Variants in CDC25C observed in about 807,000 individuals in gnomAD.
CDC25C encodes the protein M-phase inducer phosphatase 3.
CDC25C carries 48 observed loss-of-function variants against 52.5 expected under a neutral mutation model. That is an observed-to-expected ratio of 0.91 (90% CI 0.72 to 1.16). The LOEUF (loss-of-function observed/expected upper bound fraction) is 1.16. Ranked by LOEUF, CDC25C falls within the 50% of genes most tolerant of loss-of-function variation. The probability of loss-of-function intolerance (pLI) is 0.00; values close to 1 mark genes in which losing one functional copy is unlikely to be tolerated. For missense variants in CDC25C, 510 were observed against 566.1 expected (o/e 0.90, Z 1.01); for synonymous variants, 187 against 206.5 (o/e 0.91, Z 0.81).
intron 7 of CDC25C, among the ~76,000 whole-genome samples, chr5:138,294,909 A>G (rs1757058061): frequency 6.6e-6 from 1 of 152,154 alleles, no homozygotes; most frequent in South Asian, 2.1e-4. Flanking sequence ...TCGGCCTCCC[A>G]AAGTGCTGGG....
intron 7 of CDC25C, among the ~76,000 whole-genome samples, chr5:138,302,552 A>C (rs1757708486): frequency 6.6e-6 from 1 of 151,798 alleles, no homozygotes; most frequent in Non-Finnish European, 1.5e-5. Flanking sequence ...ATACAAAATT[A>C]GCAAGGCGTG....
chr5:138,288,049 T>C (rs970264317), intron 10 of CDC25C, among the ~76,000 whole-genome samples: 3 of 152,066 alleles, frequency 2.0e-5, no homozygotes, highest in Non-Finnish European at 2.9e-5. Context: ...ACTAAGCAAA[T>C]TGCAATACTA....
chr5:138,309,207 C>T (rs1758251549), intron 7 of CDC25C, among the ~76,000 whole-genome samples: 2 of 148,940 alleles, frequency 1.3e-5, no homozygotes, highest in South Asian at 4.4e-4. Flanking sequence ...ACATCAGGCT[C>T]TCAACAAACT....
At chr5:138,322,766 C>T (rs1759538799) in intron 6 of CDC25C, among the ~76,000 whole-genome samples, 2 of 151,564 alleles carry the variant, frequency 1.3e-5, no homozygotes, top group African/African-American at 2.4e-5. Flanking sequence ...TGAGCCACCG[C>T]GCCCGGCCCT....
At chr5:138,299,488 T>C (rs1580733652) in intron 7 of CDC25C, among the ~76,000 whole-genome samples, 4 of 97,398 alleles carry the variant, frequency 4.1e-5, no homozygotes, top group African/African-American at 8.0e-5. Context: ...AGAGCAAGAC[T>C]CCGTCTCAAA....
rs2126631173 is a variant in CDC25C at position 138,285,444 on chromosome 5, C to T, written c.*248G>A. ...GTTGGGAAAAGGAATGCCAGAGTTC[C>T]CTGAACCAATACAAATCTCTATGCA... is the stretch of plus-strand genomic sequence containing the variant. On this transcript the variant is annotated 3_prime_UTR_variant, in exon 14 of 14. Transcript: ENST00000323760. 2 of 471,014 alleles carry T rather than the reference C, an allele frequency of 4.2e-6. No individual in the cohort carries two copies. Among genetic ancestry groups the T allele is most frequent in the Non-Finnish European group, 7.6e-6 (2 of 264,082 alleles). 29.2% of individuals were successfully genotyped at this position (471,014 alleles called of 1,614,324 possible). A position where few individuals can be genotyped will look rare whatever the true frequency, so the allele number is the denominator to read the frequency against.
chr5:138,287,778 T>C (rs1349130578), intron 10 of CDC25C, among the ~76,000 whole-genome samples: 2 of 152,178 alleles, frequency 1.3e-5, no homozygotes, highest in Non-Finnish European at 1.5e-5. Context: ...TAAATACATA[T>C]ACAAATAAAT....
intron 7 of CDC25C, among the ~76,000 whole-genome samples, chr5:138,304,101 C>T (rs992351935): frequency 2.0e-5 from 3 of 152,224 alleles, no homozygotes; most frequent in Non-Finnish European, 4.4e-5. Context: ...CCTTCCTTCA[C>T]AGCCTGCACC....
intron 4 of CDC25C, among the ~76,000 whole-genome samples, chr5:138,326,462 C>T (rs1346045077): frequency 1.3e-5 from 2 of 152,028 alleles, no homozygotes; most frequent in East Asian, 3.9e-4. Flanking sequence ...CTGCCTCAGC[C>T]TCCTGAGTAG....
At chr5:138,293,808 A>C (rs1341094032) in intron 7 of CDC25C, among the ~76,000 whole-genome samples, 1 of 151,770 alleles carries the variant, frequency 6.6e-6, no homozygotes, top group Non-Finnish European at 1.5e-5. Flanking sequence ...CACCATGCCC[A>C]GCCAATTTCT....
intron 6 of CDC25C, among the ~76,000 whole-genome samples, chr5:138,321,037 G>T (rs1759340913): frequency 6.6e-6 from 1 of 151,662 alleles, no homozygotes; most frequent in Non-Finnish European, 1.5e-5. Context: ...TGAGGCTGCA[G>T]TGAGTTATGA....
chr5:138,314,003 T>TTCTTTCTTTCTTTCTTTC (rs1758672929), intron 7 of CDC25C, among the ~76,000 whole-genome samples: 1 of 62,610 alleles, frequency 1.6e-5, no homozygotes, highest in Non-Finnish European at 3.3e-5. Context: ...TTCTTTTTTT[T>TTCTTTCTTTCTTTCTTTC]TTTTTTTTGA....
chr5:138,314,152 T>C (rs1014691110), intron 7 of CDC25C, among the ~76,000 whole-genome samples: 1 of 150,884 alleles, frequency 6.6e-6, no homozygotes, highest in Non-Finnish European at 1.5e-5. Flanking sequence ...CCCAACACCA[T>C]GCCCAGCTAA....
chr5:138,290,819 G>A, intron 8 of CDC25C, 79 bp from the exon 9 acceptor site: 3 of 859,088 alleles, frequency 3.5e-6, no homozygotes, highest in Non-Finnish European at 6.0e-6. Flanking sequence ...GTGGGCCATG[G>A]TGGCGCACAT....
intron 7 of CDC25C, among the ~76,000 whole-genome samples, chr5:138,313,377 C>T (rs62380883): frequency 0.2 from 17,076 of 87,284 alleles, 1,433 homozygotes; most frequent in South Asian, 0.29. Context: ...GACTATATCT[C>T]ACAAAAAAAA....
intron 7 of CDC25C, among the ~76,000 whole-genome samples, chr5:138,317,242 T>G (rs1351277354): frequency 6.6e-6 from 1 of 151,696 alleles, no homozygotes; most frequent in East Asian, 1.9e-4. Context: ...TCTAATTAAT[T>G]AAATAATTAA....
chr5:138,286,251 CA>C, intron 12 of CDC25C, 118 bp from the exon 13 acceptor site: 1 of 862,136 alleles, frequency 1.2e-6, no homozygotes, highest in East Asian at 2.6e-5. Context: ...AAGGACTTTC[CA>C]ATCTCCCTGT....
chr5:138,327,163 G>A (rs1759950785), intron 4 of CDC25C, among the ~76,000 whole-genome samples: 1 of 151,318 alleles, frequency 6.6e-6, no homozygotes, highest in Non-Finnish European at 1.5e-5. Flanking sequence ...TCCGAGGCAG[G>A]AGAATCACTT....
At chr5:138,307,856 G>A (rs1758141307) in intron 7 of CDC25C, among the ~76,000 whole-genome samples, 1 of 152,084 alleles carries the variant, frequency 6.6e-6, no homozygotes, top group African/African-American at 2.4e-5. Context: ...TGATACTGGG[G>A]ACCAGTTTTG....
Sources: allele counts gnomAD v4.1 joint callset (sites outside exome capture counted in the v4.1 genomes callset), GRCh38; gene constraint gnomAD v4.1.1; transcripts MANE v1.5; gene names NCBI Gene and HGNC (gene_info 2026-07-23, HGNC 2026-07-21).